Variants in MB21D2 observed in about 807,000 individuals in gnomAD.
MB21D2 encodes Mab-21 domain containing 2.
In MB21D2, 9 loss-of-function variants were observed where a neutral mutation model predicts 33.3. The ratio of observed to expected loss-of-function variants is 0.27; its 90% CI spans 0.16 to 0.47. MB21D2 has a LOEUF of 0.47. Among genes scored for constraint, MB21D2 ranks in the 20% least tolerant of loss-of-function variants. The pLI is 0.99. For missense variants in MB21D2, 540 were observed against 624.6 expected (o/e 0.86, Z 1.44); for synonymous variants, 241 against 236.3 (o/e 1.02, Z -0.18).
At chr3:192,807,237 A>T (rs1399434487) in intron 1 of MB21D2, among the ~76,000 whole-genome samples, 15 of 152,000 alleles carry the variant, frequency 9.9e-5, no homozygotes, top group Non-Finnish European at 1.3e-4. Flanking sequence ...TATTAGCCCT[A>T]CCTAGCAGCT....
At chr3:192,851,587 C>T (rs1212478244) in intron 1 of MB21D2, among the ~76,000 whole-genome samples, 8 of 150,260 alleles carry the variant, frequency 5.3e-5, no homozygotes, top group East Asian at 1.9e-4. Context: ...CTCCGTCTCC[C>T]GGATTCAAGC....
Position 192,803,019 on chromosome 3 carries a change from C to G in MB21D2, c.212-3369G>C, listed in dbSNP as rs903195927. On this transcript the variant is annotated intron_variant, in intron 1 of 1. Coordinates refer to ENST00000392452, the MANE Select transcript of MB21D2 (RefSeq NM_178496.4). ...TTTGAGCCCACCAACTAAGACTCGT[C>G]TATATAATCAGGGTAACTTGTGCAT... Among the ~76,000 whole-genome samples the G allele has an allele frequency of 2.6e-5, 4 of 152,308 alleles. No individual in the cohort carries two copies. In the South Asian group the frequency reaches 6.2e-4, roughly 24 times the overall value.
At chr3:192,819,003 G>A (rs1711986388) in intron 1 of MB21D2, among the ~76,000 whole-genome samples, 1 of 148,158 alleles carries the variant, frequency 6.7e-6, no homozygotes, top group African/African-American at 2.5e-5. Context: ...TTTTTTTTTT[G>A]CTAGAATCTG....
chr3:192,881,746 C>T (rs1429292185), intron 1 of MB21D2, among the ~76,000 whole-genome samples: 3 of 152,094 alleles, frequency 2.0e-5, no homozygotes, highest in South Asian at 2.1e-4. Context: ...CCAAAGAGGG[C>T]CCATCAGGTC....
At chr3:192,832,690 T>C (rs1016545518) in intron 1 of MB21D2, among the ~76,000 whole-genome samples, 21 of 151,942 alleles carry the variant, frequency 1.4e-4, no homozygotes, top group Admixed American at 1.3e-3. Flanking sequence ...CTCGGGAGGC[T>C]GGGGCAGGAG....
chr3:192,899,170 T>A (rs531722609), intron 1 of MB21D2, among the ~76,000 whole-genome samples: 4 of 152,240 alleles, frequency 2.6e-5, no homozygotes, highest in African/African-American at 9.6e-5. Flanking sequence ...CGGAAGTGGT[T>A]ATAGGAGAGG....
chr3:192,899,733 T>C (rs1166698773), intron 1 of MB21D2, among the ~76,000 whole-genome samples: 2 of 152,004 alleles, frequency 1.3e-5, no homozygotes, highest in African/African-American at 2.4e-5. Flanking sequence ...CCAAAAAAGG[T>C]AGCAGAATTG....
chr3:192,833,041 C>G (rs1181351567), intron 1 of MB21D2, among the ~76,000 whole-genome samples: 1 of 146,228 alleles, frequency 6.8e-6, no homozygotes, highest in Admixed American at 6.8e-5. Context: ...TCCTTTAGAC[C>G]TTTTTTTTTT....
At chr3:192,879,243 A>G (rs929639759) in intron 1 of MB21D2, among the ~76,000 whole-genome samples, 2 of 152,238 alleles carry the variant, frequency 1.3e-5, no homozygotes, top group African/African-American at 4.8e-5. Context: ...GTACTTTATA[A>G]TAAAGAGAAG....
chr3:192,819,755 T>A (rs1249312637), intron 1 of MB21D2, among the ~76,000 whole-genome samples: 1 of 152,216 alleles, frequency 6.6e-6, no homozygotes, highest in Non-Finnish European at 1.5e-5. Context: ...TCCAAAGCTG[T>A]CTAAAAAGAC....
intron 1 of MB21D2, among the ~76,000 whole-genome samples, chr3:192,916,390 G>T (rs139237366): frequency 6.6e-6 from 1 of 152,230 alleles, no homozygotes; most frequent in Non-Finnish European, 1.5e-5. Context: ...AGCAACAGCC[G>T]GCTGAAACCC....
At chr3:192,894,985 T>C (rs1713934012) in intron 1 of MB21D2, among the ~76,000 whole-genome samples, 1 of 151,138 alleles carries the variant, frequency 6.6e-6, no homozygotes, top group African/African-American at 2.4e-5. Flanking sequence ...GAGGGTTCTT[T>C]GGGCATCAAA....
chr3:192,908,679 A>G (rs1218949658), intron 1 of MB21D2, among the ~76,000 whole-genome samples: 1 of 151,612 alleles, frequency 6.6e-6, no homozygotes, highest in Non-Finnish European at 1.5e-5. Context: ...CGGCCTCCCA[A>G]AGTGCTGGGA....
intron 1 of MB21D2, among the ~76,000 whole-genome samples, chr3:192,843,144 T>C (rs1022963006): frequency 3.3e-5 from 5 of 152,144 alleles, no homozygotes; most frequent in African/African-American, 1.2e-4. Flanking sequence ...GCCTGAAGAT[T>C]ACATGAGGGC....
intron 1 of MB21D2, among the ~76,000 whole-genome samples, chr3:192,909,453 G>A (rs1714291224): frequency 6.6e-6 from 1 of 152,054 alleles, no homozygotes; most frequent in Admixed American, 6.6e-5. Context: ...AAAAATGCCT[G>A]GGATTTCTAT....
chr3:192,798,345 T>C lies in MB21D2; in HGVS notation c.*41A>G. The C allele has an allele frequency of 6.3e-7, 1 of 1,592,268 alleles. No homozygotes were observed. The highest frequency in any genetic ancestry group is 2.2e-5 in the East Asian group (1 of 44,716). On this transcript the variant is annotated 3_prime_UTR_variant, in exon 2 of 2. Coordinates refer to ENST00000392452, the MANE Select transcript of MB21D2 (RefSeq NM_178496.4). The surrounding 1 kb of genome is among the most constrained non-coding windows in gnomAD (Gnocchi z 4.8). ...GCATCACAAACCACACGACACATTA[T>C]CAGAGTTTAAGAATCAGGAAAAAAA... is the stretch of plus-strand genomic sequence containing the variant.
chr3:192,873,452 C>T (rs1478578379), intron 1 of MB21D2, among the ~76,000 whole-genome samples: 2 of 152,086 alleles, frequency 1.3e-5, no homozygotes, highest in African/African-American at 2.4e-5. Flanking sequence ...GTCTCCACAC[C>T]CATTCCACCT....
chr3:192,894,320 G>A (rs1713919533), intron 1 of MB21D2, among the ~76,000 whole-genome samples: 1 of 151,802 alleles, frequency 6.6e-6, no homozygotes, highest in South Asian at 2.1e-4. Context: ...TAATAGAGAC[G>A]AGGCTTCACC....
chr3:192,905,614 G>C (rs1165439311), intron 1 of MB21D2, among the ~76,000 whole-genome samples: 1 of 142,990 alleles, frequency 7.0e-6, no homozygotes. Context: ...TCCAGCCTGA[G>C]TGACAGAGCA....
Sources: allele counts gnomAD v4.1 joint callset (sites outside exome capture counted in the v4.1 genomes callset), GRCh38; gene constraint gnomAD v4.1.1; non-coding constraint Gnocchi (gnomAD v3.1); transcripts MANE v1.5; gene names NCBI Gene and HGNC (gene_info 2026-07-23, HGNC 2026-07-21).